The following CNTN1 variants were observed in gnomAD, a reference collection of about 807,000 sequenced individuals.
CNTN1 encodes the protein contactin 1.
A neutral mutation model predicts 126.4 loss-of-function variants in CNTN1; 38 were observed. That is an observed-to-expected ratio of 0.30 (90% CI 0.23 to 0.39). The LOEUF (loss-of-function observed/expected upper bound fraction) is 0.39, where lower values mean the gene tolerates loss of function less well. Ranked by LOEUF, CNTN1 falls within the 10% of genes least tolerant of loss-of-function variation. The probability of loss-of-function intolerance (pLI) is 1.00; values close to 1 mark genes in which losing one functional copy is unlikely to be tolerated. For missense variants in CNTN1, 1,009 were observed against 1,248.4 expected, an observed-to-expected ratio of 0.81 and a Z score of 2.89; for synonymous variants, 413 against 422.6, an observed-to-expected ratio of 0.98 and a Z score of 0.28.
intron 14 of CNTN1, among the ~76,000 whole-genome samples, chr12:40,947,790 C>T (rs796952042): frequency 0.49 from 53,132 of 107,646 alleles, 11,093 homozygotes; most frequent in African/African-American, 0.55. Context: ...TATACACACA[C>T]ACACACACAC....
In CNTN1 at chr12:41,027,975, T is replaced by C; in HGVS notation, c.2823+6T>C. The C allele has an allele frequency of 2.0e-6, 3 of 1,524,148 alleles. No individual in the cohort carries two copies. The highest frequency in any genetic ancestry group is 2.7e-6 in the Non-Finnish European group (3 of 1,098,208). The allele number at this position is 1,524,148 out of a possible 1,614,324, so 94.4% of individuals were successfully genotyped here. A position where few individuals can be genotyped will look rare whatever the true frequency, so the allele number is the denominator to read the frequency against. ...CTACAGTGACGGGATATAAGGTATA[T>C]ACAAATAGTGATGATTAATGTTTGC... On this transcript the variant is annotated splice_donor_region_variant and intron_variant, in intron 22 of 23. Coordinates refer to ENST00000551295, the MANE Select transcript of CNTN1 (RefSeq NM_001843.4).
intron 1 of CNTN1, among the ~76,000 whole-genome samples, chr12:40,795,489 T>C (rs1940394008): frequency 6.6e-6 from 1 of 151,802 alleles, no homozygotes; most frequent in Non-Finnish European, 1.5e-5. Flanking sequence ...ATAGAATACA[T>C]ATATTCAAAA....
chr12:40,863,227 T>A (rs1248338873), intron 1 of CNTN1, among the ~76,000 whole-genome samples: 1 of 152,204 alleles, frequency 6.6e-6, no homozygotes, highest in Non-Finnish European at 1.5e-5. Context: ...TTAATGTTTA[T>A]GAATATAAGA....
At chr12:40,762,112 C>A (rs1938887157) in intron 1 of CNTN1, among the ~76,000 whole-genome samples, 1 of 152,090 alleles carries the variant, frequency 6.6e-6, no homozygotes, top group Non-Finnish European at 1.5e-5. Flanking sequence ...TGGGTAACTA[C>A]AAGTAAGTAT....
At chr12:41,063,640 G>A (rs1296818859) in intron 23 of CNTN1, among the ~76,000 whole-genome samples, 1 of 152,158 alleles carries the variant, frequency 6.6e-6, no homozygotes, top group Non-Finnish European at 1.5e-5. Flanking sequence ...TGCTTCCTTG[G>A]CCAGAGTGAT....
intron 23 of CNTN1, among the ~76,000 whole-genome samples, chr12:41,046,557 A>T (rs554315558): frequency 2.0e-4 from 31 of 152,212 alleles, no homozygotes; most frequent in African/African-American, 6.0e-4. Context: ...ATAGGTTTTT[A>T]AAAAACTCTA....
intron 1 of CNTN1, among the ~76,000 whole-genome samples, chr12:40,859,049 G>T (rs1249895628): frequency 6.6e-6 from 1 of 151,998 alleles, no homozygotes; most frequent in Non-Finnish European, 1.5e-5. Context: ...CCTAGGTGAT[G>T]GGTTGATAGG....
At chr12:41,016,351 A>T (rs1465818933) in intron 18 of CNTN1, among the ~76,000 whole-genome samples, 1 of 152,100 alleles carries the variant, frequency 6.6e-6, no homozygotes, top group East Asian at 1.9e-4. Context: ...GTCGGAGAAA[A>T]CGTCGAGGTG....
chr12:40,963,525 A>T (rs1947185352), intron 15 of CNTN1, among the ~76,000 whole-genome samples: 1 of 152,006 alleles, frequency 6.6e-6, no homozygotes, highest in South Asian at 2.1e-4. Context: ...GGCCTTAAAT[A>T]TGTTGCGTTA....
At chr12:40,925,571 G>GTA (rs1565961510) in intron 6 of CNTN1, among the ~76,000 whole-genome samples, 10 of 130,364 alleles carry the variant, frequency 7.7e-5, no homozygotes, top group South Asian at 7.1e-4. Context: ...GTATATATAC[G>GTA]TATATACGTA....
chr12:40,897,658 C>T (rs918937333), intron 1 of CNTN1, among the ~76,000 whole-genome samples: 4 of 151,934 alleles, frequency 2.6e-5, no homozygotes, highest in South Asian at 2.1e-4. Context: ...GATATAAATT[C>T]GAATAAAAAG....
intron 1 of CNTN1, among the ~76,000 whole-genome samples, chr12:40,758,071 CTTTAA>C (rs1380742769): frequency 2.0e-5 from 3 of 150,878 alleles, no homozygotes; most frequent in South Asian, 2.1e-4. Context: ...TCTTCTTACA[CTTTAA>C]TTTGGTGCCT....
At position 40,692,439 on chromosome 12, in the gene CNTN1, G is replaced by C. The variant is rs1210731010; in HGVS notation, c.-230G>C. The stretch of plus-strand genomic sequence containing the variant: ...GCCCCAATAACCGCCCTAAAAGGCC[G>C]GGCTTCTGCTGTCAAGTAGCCAGGG... On this transcript the variant is annotated 5_prime_UTR_variant, in exon 1 of 24. Transcript: ENST00000551295. The C allele has an allele frequency of 6.6e-6, 1 of 152,536 alleles. No individual in the cohort carries two copies. Among genetic ancestry groups the C allele is most frequent in the East Asian group, 1.9e-4 (1 of 5,178 alleles). 9.4% of individuals were successfully genotyped at this position (152,536 alleles called of 1,614,324 possible).
At chr12:40,809,814 T>TCACACACACACACACACA (rs3223354) in intron 1 of CNTN1, among the ~76,000 whole-genome samples, 2 of 146,744 alleles carry the variant, frequency 1.4e-5, no homozygotes, top group East Asian at 2.0e-4. Context: ...AGACTCTGTC[T>TCACACACACACACACACA]CACACACACA....
chr12:40,693,182 G>T (rs1303454291), intron 1 of CNTN1, among the ~76,000 whole-genome samples: 1 of 152,226 alleles, frequency 6.6e-6, no homozygotes, highest in Non-Finnish European at 1.5e-5. Flanking sequence ...CGAAGGGCAC[G>T]TTCCGATTAA....
chr12:41,010,714 C>A (rs1169709906), intron 17 of CNTN1, among the ~76,000 whole-genome samples: 1 of 152,176 alleles, frequency 6.6e-6, no homozygotes, highest in Non-Finnish European at 1.5e-5. Flanking sequence ...ATAAAGGCTG[C>A]AGGATTCTCA....
At chr12:40,855,586 T>C (rs1239795455) in intron 1 of CNTN1, among the ~76,000 whole-genome samples, 1 of 152,056 alleles carries the variant, frequency 6.6e-6, no homozygotes, top group Non-Finnish European at 1.5e-5. Flanking sequence ...TCCTATAAGG[T>C]TTTAAGTGTT....
chr12:40,732,273 A>C (rs1305576806), intron 1 of CNTN1, among the ~76,000 whole-genome samples: 2 of 151,988 alleles, frequency 1.3e-5, no homozygotes, highest in Non-Finnish European at 2.9e-5. Context: ...CATCTTATTA[A>C]ATTTCATAAA....
chr12:40,694,706 A>AT (rs1941403745), intron 1 of CNTN1, among the ~76,000 whole-genome samples: 1 of 152,226 alleles, frequency 6.6e-6, no homozygotes, highest in East Asian at 1.9e-4. Context: ...AAATTATTTA[A>AT]TCTACCAAGT....
Sources: gnomAD v4.1 joint callset for allele counts (sites outside exome capture counted in the v4.1 genomes callset) on GRCh38, gnomAD v4.1.1 for gene constraint, MANE v1.5 for transcripts, NCBI Gene and HGNC (gene_info 2026-07-23, HGNC 2026-07-21) for gene names.